Variants in ABCA13 observed in about 807,000 individuals in gnomAD.
ABCA13 encodes the protein ATP-binding cassette sub-family A member 13.
In ABCA13, 476 loss-of-function variants were observed where a neutral mutation model predicts 478.7. The ratio of observed to expected loss-of-function variants is 0.99; its 90% CI spans 0.92 to 1.07. The LOEUF is 1.07. Among genes scored for constraint, ABCA13 ranks in the 50% least tolerant of loss-of-function variants. ABCA13 has a pLI of 0.00. For missense variants in ABCA13, 6,060 were observed against 5,910.6 expected, an observed-to-expected ratio of 1.03 and a Z score of -0.83; for synonymous variants, 2,252 against 2,158.9, an observed-to-expected ratio of 1.04 and a Z score of -1.20.
intron 31 of ABCA13, among the ~76,000 whole-genome samples, chr7:48,355,510 T>C (rs1311621294): frequency 3.3e-5 from 5 of 151,968 alleles, no homozygotes; most frequent in African/African-American, 1.2e-4. Context: ...AGTGATGTCA[T>C]CATCTGACTT....
intron 3 of ABCA13, among the ~76,000 whole-genome samples, chr7:48,213,439 T>C (rs1200934622): frequency 1.1e-4 from 16 of 152,236 alleles, no homozygotes; most frequent in African/African-American, 3.6e-4. Flanking sequence ...GAACACTTTA[T>C]AGCTAAAAAA....
At chr7:48,307,097 C>T (rs957493848) in intron 23 of ABCA13, among the ~76,000 whole-genome samples, 1 of 152,220 alleles carries the variant, frequency 6.6e-6, no homozygotes, top group Non-Finnish European at 1.5e-5. Context: ...TTTGCATGAG[C>T]CAATTCCTTA....
At chr7:48,416,822 C>T (rs1311589545) in intron 41 of ABCA13, among the ~76,000 whole-genome samples, 3 of 151,990 alleles carry the variant, frequency 2.0e-5, no homozygotes, top group Non-Finnish European at 4.4e-5. Context: ...TGATGTCTGC[C>T]CCTTCCCCAC....
intron 55 of ABCA13, among the ~76,000 whole-genome samples, chr7:48,570,097 A>T (rs552760912): frequency 3.9e-5 from 6 of 152,010 alleles, no homozygotes; most frequent in Non-Finnish European, 7.4e-5. Context: ...TTCTCCCTTT[A>T]ATGCTGTCAG....
At chr7:48,393,727 T>C (rs576620195) in intron 38 of ABCA13, among the ~76,000 whole-genome samples, 2 of 152,310 alleles carry the variant, frequency 1.3e-5, no homozygotes, top group South Asian at 4.1e-4. Context: ...AGAATGAGTC[T>C]TAAAGTTGTC....
intron 55 of ABCA13, among the ~76,000 whole-genome samples, chr7:48,555,460 G>C (rs1251704970): frequency 1.3e-5 from 2 of 151,700 alleles, no homozygotes; most frequent in Admixed American, 1.3e-4. Context: ...TGGGTCCCAG[G>C]CTTTATTTTT....
intron 3 of ABCA13, among the ~76,000 whole-genome samples, chr7:48,205,129 C>T (rs894922038): frequency 6.6e-6 from 1 of 152,154 alleles, no homozygotes; most frequent in Non-Finnish European, 1.5e-5. Flanking sequence ...TTAAATTTCT[C>T]CTCCAATAAA....
intron 41 of ABCA13, among the ~76,000 whole-genome samples, chr7:48,416,333 G>C (rs114027034): frequency 3.6e-3 from 545 of 152,216 alleles, no homozygotes; most frequent in African/African-American, 0.012. Context: ...TTCCGCCTAG[G>C]AATAGAAACT....
At position 48,615,291 on chromosome 7, in the gene ABCA13, G is replaced by A. The variant is rs756503919; in HGVS notation, c.14751G>A (p.Glu4917=). 5.2e-6 allele frequency: 8 copies of A among 1,549,180 alleles called. No individual in the cohort carries two copies. The East Asian group carries it at 1.9e-4, about 36-fold the overall frequency. ...CAAVLTSHSM[E]ECEALCTRLA... ...CTCTTTTCCTTCTTTACAGCATGGAGGAGTGTGAGGCTCTTTGCACAAGAC... is the reference window on the plus strand; with the variant it reads ...CTCTTTTCCTTCTTTACAGCATGGAAGAGTGTGAGGCTCTTTGCACAAGAC... The change falls in exon 59 of 62, where the codon GAG becomes GAA. Residue 4917 remains glutamate, a synonymous_variant. Transcript: ENST00000435803.
At chr7:48,456,648 T>A (rs1356920001) in intron 43 of ABCA13, among the ~76,000 whole-genome samples, 1 of 152,212 alleles carries the variant, frequency 6.6e-6, no homozygotes, top group African/African-American at 2.4e-5. Context: ...TTACACTCCA[T>A]AATATCTTTG....
At chr7:48,266,233 CTT>C (rs1341671434) in intron 15 of ABCA13, among the ~76,000 whole-genome samples, 1 of 151,490 alleles carries the variant, frequency 6.6e-6, no homozygotes, top group Admixed American at 6.6e-5. Context: ...CTTTAGTAGT[CTT>C]TTTAAAATTT....
intron 27 of ABCA13, among the ~76,000 whole-genome samples, chr7:48,325,515 T>C (rs1306853747): frequency 6.6e-6 from 1 of 152,196 alleles, no homozygotes; most frequent in Non-Finnish European, 1.5e-5. Flanking sequence ...CTTTCAGTGA[T>C]CTTGACATAT....
intron 38 of ABCA13, among the ~76,000 whole-genome samples, chr7:48,396,559 C>T (rs1464273767): frequency 2.0e-5 from 3 of 152,226 alleles, no homozygotes; most frequent in Middle Eastern, 3.4e-3. Flanking sequence ...CTGGCCACTA[C>T]GTTGTAGCAT....
In ABCA13 at chr7:48,610,778, A is replaced by G. The variant is rs925807367; in HGVS notation, c.14745-4507A>G. Among the ~76,000 whole-genome samples, 3 of 152,212 alleles carry G rather than the reference A, an allele frequency of 2.0e-5. No individual in the cohort carries two copies. The East Asian group carries it at 5.8e-4, about 29-fold the overall frequency. ...GCTTACTGCTTGCACTCTCTGGACC[A>G]GTAGCCTGGGATTTATCTGGGACAA... On this transcript the variant is annotated intron_variant, in intron 58 of 61. Coordinates refer to ENST00000435803, the MANE Select transcript of ABCA13 (RefSeq NM_152701.5).
chr7:48,176,089 GGTT>G (rs888593769), intron 1 of ABCA13, among the ~76,000 whole-genome samples: 2 of 152,154 alleles, frequency 1.3e-5, no homozygotes, highest in Non-Finnish European at 2.9e-5. Flanking sequence ...TTCACAGGGT[GGTT>G]GTTGTCTCCA....
At chr7:48,215,284 G>T (rs1786276541) in intron 3 of ABCA13, among the ~76,000 whole-genome samples, 1 of 152,138 alleles carries the variant, frequency 6.6e-6, no homozygotes, top group Non-Finnish European at 1.5e-5. Flanking sequence ...GAGGAAGAGA[G>T]ATGGGGGAAT....
At chr7:48,403,906 C>G (rs779010166) in intron 39 of ABCA13, 27 bp downstream of exon 39, 1 of 1,599,212 alleles carries the variant, frequency 6.3e-7, no homozygotes, top group East Asian at 2.3e-5. Flanking sequence ...ATTCTGCCTT[C>G]TCTTCCCACA....
At chr7:48,315,550 G>A (rs113233078) in intron 26 of ABCA13, among the ~76,000 whole-genome samples, 3,341 of 151,758 alleles carry the variant, frequency 0.022, 69 homozygotes, top group Middle Eastern at 0.054. Context: ...CTTGATCTCG[G>A]CTCACCACAA....
At chr7:48,297,691 TA>T (rs1205406609) in intron 22 of ABCA13, among the ~76,000 whole-genome samples, 2 of 152,170 alleles carry the variant, frequency 1.3e-5, no homozygotes, top group East Asian at 3.8e-4. Context: ...CCTCTCTTCT[TA>T]AAAAAGTGAG....
Sources: allele counts gnomAD v4.1 joint callset (sites outside exome capture counted in the v4.1 genomes callset), GRCh38; gene constraint gnomAD v4.1.1; transcripts MANE v1.5; gene names NCBI Gene and HGNC (gene_info 2026-07-23, HGNC 2026-07-21).